SCAPER: variants seen among roughly 807,000 people sequenced by gnomAD.
The protein encoded by SCAPER is S-phase cyclin A associated protein in the ER, also known as S phase cyclin A-associated protein in the endoplasmic reticulum.
Under a neutral mutation model 182.2 loss-of-function variants are expected in SCAPER, and 98 were observed. The ratio of observed to expected loss-of-function variants is 0.54; its 90% CI spans 0.46 to 0.64. The LOEUF (loss-of-function observed/expected upper bound fraction) is 0.64. Among genes scored for constraint, SCAPER ranks in the 30% least tolerant of loss-of-function variants. The pLI is 0.00. For missense variants in SCAPER, 1,432 were observed against 1,690.0 expected (o/e 0.85, Z 2.68); for synonymous variants, 605 against 564.6 (o/e 1.07, Z -1.01).
chr15:76,760,317 A>G (rs1214343081), intron 14 of SCAPER, among the ~76,000 whole-genome samples: 1 of 152,224 alleles, frequency 6.6e-6, no homozygotes, highest in African/African-American at 2.4e-5. Context: ...GGCCCACAGA[A>G]CTAAAGGAAA....
intron 15 of SCAPER, among the ~76,000 whole-genome samples, chr15:76,749,575 G>C (rs1196787735): frequency 1.3e-5 from 2 of 151,996 alleles, no homozygotes; most frequent in African/African-American, 2.4e-5. Flanking sequence ...TTACTAGCAA[G>C]GTTGTAAAAC....
intron 25 of SCAPER, among the ~76,000 whole-genome samples, chr15:76,434,614 T>C (rs1198178656): frequency 1.3e-5 from 2 of 152,204 alleles, no homozygotes; most frequent in Non-Finnish European, 2.9e-5. Flanking sequence ...GCTTAGAACA[T>C]GCACAGGCAT....
intron 6 of SCAPER, among the ~76,000 whole-genome samples, chr15:76,802,563 A>G (rs34223122): frequency 0.01 from 1,585 of 152,336 alleles, 14 homozygotes; most frequent in Non-Finnish European, 0.017. Context: ...TTTTACTGTG[A>G]GAAACAAAAA....
chr15:76,559,201 ATTTTTTTTTT>A (rs58642207), intron 23 of SCAPER, among the ~76,000 whole-genome samples: 7 of 121,826 alleles, frequency 5.7e-5, no homozygotes, highest in East Asian at 2.4e-4. Flanking sequence ...CACCCAGCTA[ATTTTTTTTTT>A]TTTTTTTTTT....
chr15:76,621,019 A>AT (rs2051992057), intron 22 of SCAPER, among the ~76,000 whole-genome samples: 1 of 152,160 alleles, frequency 6.6e-6, no homozygotes, highest in African/African-American at 2.4e-5. Context: ...TTAAAAAAAA[A>AT]TTTTTAAAAG....
At chr15:76,632,768 CTTTTTTTT>C (rs1188058843) in intron 21 of SCAPER, among the ~76,000 whole-genome samples, 11 of 104,524 alleles carry the variant, frequency 1.1e-4, no homozygotes, top group Non-Finnish European at 1.9e-4. Context: ...AGGCTGCTGA[CTTTTTTTT>C]TTTTTTTTTT....
At chr15:76,652,151 C>T (rs567590022) in intron 21 of SCAPER, among the ~76,000 whole-genome samples, 2 of 147,332 alleles carry the variant, frequency 1.4e-5, no homozygotes, top group African/African-American at 2.5e-5. Flanking sequence ...TGAGGGCTCA[C>T]GTGAGCCTGT....
chr15:76,839,907 T>C (rs764439825), intron 5 of SCAPER, among the ~76,000 whole-genome samples: 5 of 152,204 alleles, frequency 3.3e-5, no homozygotes, highest in East Asian at 1.9e-4. Context: ...TTAAGTAAAT[T>C]TGATTTCATC....
chr15:76,459,773 T>C (rs2049017139), intron 25 of SCAPER, among the ~76,000 whole-genome samples: 1 of 152,138 alleles, frequency 6.6e-6, no homozygotes. Flanking sequence ...AGAGTTTCCC[T>C]TATGTTTTCT....
chr15:76,719,915 T>C (rs1329145031), intron 17 of SCAPER, among the ~76,000 whole-genome samples: 2 of 152,010 alleles, frequency 1.3e-5, no homozygotes, highest in Non-Finnish European at 2.9e-5. Flanking sequence ...ACAAAATAAA[T>C]GGTATTTCTT....
At chr15:76,470,202 T>A (rs1042321345) in intron 25 of SCAPER, among the ~76,000 whole-genome samples, 1 of 152,228 alleles carries the variant, frequency 6.6e-6, no homozygotes, top group Admixed American at 6.5e-5. Context: ...TGCCAGGTCC[T>A]ATGTTAGAAT....
rs543146613 is a variant in SCAPER, at chr15:76,385,609, G to A, written c.3468-3994C>T. On this transcript the variant is annotated intron_variant, in intron 27 of 31. Coordinates refer to ENST00000563290, the MANE Select transcript of SCAPER (RefSeq NM_020843.4). ...TCAAGGAGAGGTAAATTATTTCTCAGCAGTATCCCAGTTTTTGGATATTAT... is the reference window on the plus strand; with the variant it reads ...TCAAGGAGAGGTAAATTATTTCTCAACAGTATCCCAGTTTTTGGATATTAT... Among the ~76,000 whole-genome samples the A allele has an allele frequency of 2.0e-5, 3 of 152,328 alleles. No homozygotes were observed. In the East Asian group the frequency reaches 5.8e-4, roughly 29 times the overall value.
In SCAPER at chr15:76,819,642, G is replaced by C. The variant is rs181347217; in HGVS notation, c.394-15009C>G. Among the ~76,000 whole-genome samples the C allele has an allele frequency of 8.3e-4, 126 of 152,272 alleles. 1 individual carries two copies. Among genetic ancestry groups the C allele is most frequent in the African/African-American group, 2.8e-3 (118 of 41,556 alleles). ...AAACCACAAAGATAGGGAAAAAACAGAGTAGAAAAACCGGAAACTCTAAAA... is the reference window on the plus strand; with the variant it reads ...AAACCACAAAGATAGGGAAAAAACACAGTAGAAAAACCGGAAACTCTAAAA... On this transcript the variant is annotated intron_variant, in intron 5 of 31. Transcript: ENST00000563290.
chr15:76,471,157 G>A (rs1011239995), intron 25 of SCAPER, 55 bp downstream of exon 25: 58 of 1,420,160 alleles, frequency 4.1e-5, no homozygotes, highest in Non-Finnish European at 5.4e-5. Context: ...TTTCTCCACA[G>A]GGACTATTTC....
chr15:76,656,372 A>G (rs2055635132), intron 21 of SCAPER, among the ~76,000 whole-genome samples: 1 of 152,212 alleles, frequency 6.6e-6, no homozygotes, highest in African/African-American at 2.4e-5. Context: ...TGTATGCACC[A>G]AACACAGGAG....
Position 76,434,291 on chromosome 15 carries a change from T to C in SCAPER, c.3098A>G (p.Asn1033Ser). Residue 1033 changes from asparagine to serine, a missense_variant, in exon 26 of 32, where the codon AAT becomes AGT. By Grantham distance (46) the Asn-to-Ser change is conservative. Coordinates refer to ENST00000563290, the MANE Select transcript of SCAPER (RefSeq NM_020843.4). ...TGTATTTCTCCCCAAAATAGTATTA[T>C]TTTCATCTGGAACATAAACCTAGAT... ...HQLTVYVPDENNTILGRNTNK... is the reference protein window; with the variant it reads ...HQLTVYVPDESNTILGRNTNK... 6.2e-7 allele frequency: 1 copy of C among 1,610,280 alleles called. No homozygotes were observed. The highest frequency in any genetic ancestry group is 8.5e-7 in the Non-Finnish European group (1 of 1,178,076).
intron 23 of SCAPER, among the ~76,000 whole-genome samples, chr15:76,561,957 C>T (rs1305770938): frequency 5.3e-5 from 8 of 151,386 alleles, no homozygotes; most frequent in Non-Finnish European, 8.8e-5. Flanking sequence ...ACCCACCTGG[C>T]CAACATGGTG....
chr15:76,648,155 T>C (rs1434473764), intron 21 of SCAPER, among the ~76,000 whole-genome samples: 2 of 151,000 alleles, frequency 1.3e-5, no homozygotes, highest in African/African-American at 4.9e-5. Context: ...ATAATGGACT[T>C]CAAGTCAATT....
chr15:76,733,100 G>A lies in SCAPER; in HGVS notation c.2022+129C>T. On this transcript the variant is annotated intron_variant, in intron 16 of 31. Coordinates refer to ENST00000563290, the MANE Select transcript of SCAPER (RefSeq NM_020843.4). ...AGGCCCAGCTGTCTTTTATTTCTTTGTCTTATGTCTTTATTTCTACAATCT... is the reference window on the plus strand; with the variant it reads ...AGGCCCAGCTGTCTTTTATTTCTTTATCTTATGTCTTTATTTCTACAATCT... 3 of 859,766 alleles carry A rather than the reference G, an allele frequency of 3.5e-6. No individual in the cohort carries two copies. In the East Asian group the frequency reaches 8.0e-5, roughly 23 times the overall value. 53.3% of individuals were successfully genotyped at this position (859,766 alleles called of 1,614,324 possible).
Sources: allele counts gnomAD v4.1 joint callset (sites outside exome capture counted in the v4.1 genomes callset), GRCh38; gene constraint gnomAD v4.1.1; transcripts MANE v1.5; gene names NCBI Gene and HGNC (gene_info 2026-07-23, HGNC 2026-07-21).